Variants in MAP4K4 observed in about 807,000 individuals in gnomAD.
MAP4K4 encodes the protein HPK/GCK-like kinase HGK.
In MAP4K4, 38 loss-of-function variants were observed where a neutral mutation model predicts 189.6. The observed-to-expected ratio is 0.20, with a 90% CI of 0.15 to 0.26. The LOEUF (loss-of-function observed/expected upper bound fraction) is 0.26. Among genes scored for constraint, MAP4K4 ranks in the 10% least tolerant of loss-of-function variants. MAP4K4 has a pLI of 1.00. For missense variants in MAP4K4, 1,054 were observed against 1,726.9 expected (o/e 0.61, Z 6.91); for synonymous variants, 610 against 624.3 (o/e 0.98, Z 0.34).
exon 20 of MAP4K4, chr2:101,867,260 T>C (rs1424381334): frequency 1.2e-6 from 2 of 1,607,472 alleles, no homozygotes; most frequent in Admixed American, 3.4e-5. Flanking sequence ...GAAAATGCAG[T>C]GAAAAAACCT....
intron 2 of MAP4K4, among the ~76,000 whole-genome samples, chr2:101,780,536 C>T (rs1289110081): frequency 6.6e-6 from 1 of 152,176 alleles, no homozygotes; most frequent in Admixed American, 6.5e-5. Context: ...AATAAACAAG[C>T]TTTTTATTAA....
At chr2:101,784,282 G>A (rs574300406) in intron 2 of MAP4K4, among the ~76,000 whole-genome samples, 151 of 140,180 alleles carry the variant, frequency 1.1e-3, no homozygotes, top group African/African-American at 4.3e-3. Flanking sequence ...GTGTGTGTGT[G>A]TGTGTATGTG....
chr2:101,874,515 C>T (rs975705045), intron 26 of MAP4K4, among the ~76,000 whole-genome samples: 2 of 152,110 alleles, frequency 1.3e-5, no homozygotes, highest in African/African-American at 2.4e-5. Context: ...AGTTTTGTTA[C>T]GTGGATATAT....
chr2:101,727,859 C>T (rs1217272673), intron 2 of MAP4K4, among the ~76,000 whole-genome samples: 1 of 152,142 alleles, frequency 6.6e-6, no homozygotes, highest in Non-Finnish European at 1.5e-5. Context: ...GTTCCAGCTA[C>T]TCGGGAGGTT....
At chr2:101,819,475 G>A (rs1478559191) in intron 3 of MAP4K4, among the ~76,000 whole-genome samples, 2 of 152,302 alleles carry the variant, frequency 1.3e-5, no homozygotes, top group East Asian at 1.9e-4. Context: ...ACAATTAGTG[G>A]TGCTAACTGC....
At position 101,834,269 on chromosome 2, in the gene MAP4K4, C is replaced by T. The variant is rs2301980; in HGVS notation, c.640-140C>T. The T allele has an allele frequency of 2.7e-5, 13 of 474,970 alleles. 1 individual carries two copies. The highest frequency in any genetic ancestry group is 1.2e-4 in the African/African-American group (6 of 48,162). The allele number at this position is 474,970 out of a possible 1,614,324, so 29.4% of individuals were successfully genotyped here. On this transcript the variant is annotated intron_variant, in intron 7 of 32. Transcript: ENST00000324219. ...TCCCCTCCCCTCCGCTCCGTAAGTTCTACAAATGTGCTTGTACTTTTAATT... is the reference window on the plus strand; with the variant it reads ...TCCCCTCCCCTCCGCTCCGTAAGTTTTACAAATGTGCTTGTACTTTTAATT...
intron 2 of MAP4K4, among the ~76,000 whole-genome samples, chr2:101,773,740 CTT>C (rs2082581315): frequency 6.6e-6 from 1 of 152,196 alleles, no homozygotes; most frequent in African/African-American, 2.4e-5. Context: ...CCCAACCACA[CTT>C]ACCTTCCCAG....
intron 32 of MAP4K4, among the ~76,000 whole-genome samples, chr2:101,890,307 C>T (rs2098547133): frequency 6.6e-6 from 1 of 152,152 alleles, no homozygotes; most frequent in Non-Finnish European, 1.5e-5. Context: ...TCAGAAACAT[C>T]CATTTTTTTC....
chr2:101,735,612 C>G (rs2060030408), intron 2 of MAP4K4, among the ~76,000 whole-genome samples: 1 of 152,092 alleles, frequency 6.6e-6, no homozygotes, highest in Non-Finnish European at 1.5e-5. Context: ...CTGGGGCCTG[C>G]CCATGGGAGG....
chr2:101,729,225 T>C (rs1056330268), intron 2 of MAP4K4, among the ~76,000 whole-genome samples: 1 of 137,324 alleles, frequency 7.3e-6, no homozygotes, highest in Non-Finnish European at 1.5e-5. Flanking sequence ...TCAGAAAATA[T>C]AGTTTTTATT....
chr2:101,710,857 T>C (rs2045085052), intron 2 of MAP4K4, among the ~76,000 whole-genome samples: 1 of 152,194 alleles, frequency 6.6e-6, no homozygotes. Context: ...CTACTTTGAA[T>C]AAAGATAGGA....
chr2:101,874,361 T>A, intron 26 of MAP4K4, 109 bp downstream of exon 26: 1 of 942,106 alleles, frequency 1.1e-6, no homozygotes, highest in Non-Finnish European at 1.6e-6. Flanking sequence ...GATGGAAGAC[T>A]TCTATGATGT....
At chr2:101,773,443 CAGT>C (rs1216468142) in intron 2 of MAP4K4, among the ~76,000 whole-genome samples, 1 of 152,090 alleles carries the variant, frequency 6.6e-6, no homozygotes, top group Non-Finnish European at 1.5e-5. Flanking sequence ...TGTGAGTACA[CAGT>C]AGAAAAGATT....
intron 22 of MAP4K4, 144 bp from the exon 23 acceptor site, chr2:101,870,151 A>G: frequency 1.3e-6 from 1 of 777,788 alleles, no homozygotes; most frequent in Non-Finnish European, 2.0e-6. Flanking sequence ...TTAAAGGGAG[A>G]AAGCTAAGCA....
chr2:101,885,117 TA>T (rs1279286785), intron 28 of MAP4K4, 69 bp from the exon 29 acceptor site: 1 of 726,650 alleles, frequency 1.4e-6, no homozygotes, highest in Non-Finnish European at 2.2e-6. Context: ...AGAAGACAAC[TA>T]AAACAGTTTA....
intron 8 of MAP4K4, 59 bp downstream of exon 8, chr2:101,834,522 A>G (rs981019716): frequency 4.4e-6 from 6 of 1,356,856 alleles, no homozygotes; most frequent in East Asian, 2.4e-5. Context: ...ACCCCTCCCA[A>G]GACTTCAAAA....
At chr2:101,846,596 G>C (rs2149632207) in intron 12 of MAP4K4, among the ~76,000 whole-genome samples, 1 of 152,330 alleles carries the variant, frequency 6.6e-6, no homozygotes, top group African/African-American at 2.4e-5. Context: ...TCACAGGGAA[G>C]AGCTGAAATT....
chr2:101,864,850 A>T, intron 17 of MAP4K4, 80 bp from the exon 18 acceptor site: 1 of 945,366 alleles, frequency 1.1e-6, no homozygotes, highest in Non-Finnish European at 1.6e-6. Context: ...GGACTGCTTT[A>T]AAAATATATT....
At chr2:101,878,515 C>A (rs952283357) in intron 27 of MAP4K4, among the ~76,000 whole-genome samples, 1 of 152,190 alleles carries the variant, frequency 6.6e-6, no homozygotes, top group Non-Finnish European at 1.5e-5. Flanking sequence ...TGTTTCCTTG[C>A]ATAGATGTAT....
Sources: allele counts gnomAD v4.1 joint callset (sites outside exome capture counted in the v4.1 genomes callset), GRCh38; gene constraint gnomAD v4.1.1; transcripts MANE v1.5; gene names NCBI Gene and HGNC (gene_info 2026-07-23, HGNC 2026-07-21).